The following CACNB4 variants were observed in gnomAD, a reference collection of about 807,000 sequenced individuals.
CACNB4 encodes the protein voltage-dependent L-type calcium channel subunit beta-4.
In CACNB4, 32 loss-of-function variants were observed where a neutral mutation model predicts 71.2. The observed-to-expected ratio is 0.45, with a 90% confidence interval of 0.34 to 0.60. CACNB4 has a LOEUF of 0.60. CACNB4 is among the 20% of genes least tolerant of loss of function. The pLI is 0.01. For missense variants in CACNB4, 464 were observed against 647.9 expected, an observed-to-expected ratio of 0.72 and a Z score of 3.08; for synonymous variants, 231 against 236.9, an observed-to-expected ratio of 0.97 and a Z score of 0.23.
intron 2 of CACNB4, among the ~76,000 whole-genome samples, chr2:152,075,622 C>T (rs1288865651): frequency 7.2e-5 from 11 of 152,198 alleles, no homozygotes; most frequent in Admixed American, 7.2e-4. Flanking sequence ...TTGACTTGGC[C>T]TGAGAGCCTC....
At chr2:151,850,141 C>CTTTTTTTTTTTTTTTTT (rs750436136) in intron 12 of CACNB4, 13 of 98,160 alleles carry the variant, frequency 1.3e-4, no homozygotes, top group Non-Finnish European at 1.5e-4. Flanking sequence ...TTCTTTCTTT[C>CTTTTTTTTTTTTTTTTT]TTTTTTTTTT....
intron 2 of CACNB4, chr2:151,968,268 T>C (rs1451315609): frequency 2.0e-5 from 3 of 152,194 alleles, no homozygotes; most frequent in Non-Finnish European, 2.9e-5. Flanking sequence ...AGGTTACAGC[T>C]GTTGCTGTTT....
chr2:151,979,775 G>A lies in CACNB4; in HGVS notation c.148-96405C>T, dbSNP rs572818036. Among the ~76,000 whole-genome samples the A allele has an allele frequency of 2.6e-5, 4 of 152,338 alleles. No homozygotes were observed. In the South Asian group the frequency reaches 6.2e-4, roughly 24 times the overall value. ...AGCAACACTGAAGATCCTGAAGACA[G>A]AAATTGAACCAAGGAGATGGTTGCA... On this transcript the variant is annotated intron_variant, in intron 2 of 13. Transcript: ENST00000539935.
chr2:152,018,836 C>CACACACAG (rs57206441), intron 2 of CACNB4, among the ~76,000 whole-genome samples: 1 of 141,374 alleles, frequency 7.1e-6, no homozygotes, highest in African/African-American at 2.5e-5. Flanking sequence ...CACACACACA[C>CACACACAG]ACAGACAAAG....
intron 2 of CACNB4, among the ~76,000 whole-genome samples, chr2:152,076,264 C>A (rs1403371705): frequency 1.3e-5 from 2 of 149,456 alleles, no homozygotes; most frequent in African/African-American, 4.9e-5. Flanking sequence ...GCCTCAGCCT[C>A]CCGAGTAGCT....
At chr2:152,088,773 A>G (rs1687813016) in intron 2 of CACNB4, among the ~76,000 whole-genome samples, 1 of 152,232 alleles carries the variant, frequency 6.6e-6, no homozygotes, top group East Asian at 1.9e-4. Context: ...CCTCTGCTCT[A>G]TTTATGTGTA....
intron 12 of CACNB4, among the ~76,000 whole-genome samples, chr2:151,843,367 TG>T (rs1422301078): frequency 6.6e-6 from 1 of 152,236 alleles, no homozygotes; most frequent in Non-Finnish European, 1.5e-5. Context: ...CAGGCCAGGG[TG>T]CACTGGAGCA....
chr2:151,939,878 GA>G (rs1021082799), intron 2 of CACNB4, among the ~76,000 whole-genome samples: 1 of 151,664 alleles, frequency 6.6e-6, no homozygotes, highest in Non-Finnish European at 1.5e-5. Context: ...AACAAATATG[GA>G]AAAAAATGAT....
chr2:152,061,960 G>A (rs920899848), intron 2 of CACNB4, among the ~76,000 whole-genome samples: 11 of 150,882 alleles, frequency 7.3e-5, no homozygotes, highest in East Asian at 5.8e-4. Flanking sequence ...TGCAGTGAGC[G>A]GAGATCGCGC....
At chr2:151,943,809 T>C (rs1250735613) in intron 2 of CACNB4, among the ~76,000 whole-genome samples, 2 of 152,148 alleles carry the variant, frequency 1.3e-5, no homozygotes, top group African/African-American at 2.4e-5. Flanking sequence ...CTTATGCAAA[T>C]ATTCAGAGGC....
chr2:151,962,406 C>T (rs1228970873), intron 2 of CACNB4, among the ~76,000 whole-genome samples: 1 of 152,142 alleles, frequency 6.6e-6, no homozygotes, highest in Non-Finnish European at 1.5e-5. Flanking sequence ...CTCTCTCCAC[C>T]CCCACCCCCA....
At chr2:152,064,079 T>C (rs1292119307) in intron 2 of CACNB4, among the ~76,000 whole-genome samples, 1 of 152,168 alleles carries the variant, frequency 6.6e-6, no homozygotes, top group African/African-American at 2.4e-5. Flanking sequence ...AGTTCTGAAA[T>C]GTTAGGAAGA....
intron 2 of CACNB4, among the ~76,000 whole-genome samples, chr2:151,975,986 G>A (rs1260598902): frequency 1.3e-5 from 2 of 152,218 alleles, no homozygotes; most frequent in East Asian, 3.8e-4. Flanking sequence ...CGGCTCTTCT[G>A]TGGATGGCTG....
intron 2 of CACNB4, among the ~76,000 whole-genome samples, chr2:152,085,586 T>C (rs1687615431): frequency 6.6e-6 from 1 of 151,978 alleles, no homozygotes; most frequent in South Asian, 2.1e-4. Context: ...TCCCGGCTGG[T>C]CTCCACAGCT....
At chr2:151,875,280 G>A (rs1469099488) in intron 5 of CACNB4, among the ~76,000 whole-genome samples, 1 of 148,076 alleles carries the variant, frequency 6.8e-6, no homozygotes, top group Non-Finnish European at 1.5e-5. Flanking sequence ...AGTGGACACA[G>A]CACATGTTTC....
chr2:151,911,816 T>C (rs190587136), intron 2 of CACNB4, among the ~76,000 whole-genome samples: 1 of 152,222 alleles, frequency 6.6e-6, no homozygotes, highest in East Asian at 1.9e-4. Flanking sequence ...TGGGCTTTTT[T>C]TGGTAGGCTA....
chr2:152,019,425 T>G (rs930999892), intron 2 of CACNB4, among the ~76,000 whole-genome samples: 3 of 152,168 alleles, frequency 2.0e-5, no homozygotes, highest in African/African-American at 7.2e-5. Context: ...GAAATTATTC[T>G]CAGATTTTGA....
intron 2 of CACNB4, among the ~76,000 whole-genome samples, chr2:152,030,803 T>C (rs535355267): frequency 1.4e-4 from 21 of 152,346 alleles, no homozygotes; most frequent in African/African-American, 5.1e-4. Context: ...CTGCATAGTA[T>C]TCCATGGTGT....
At chr2:151,946,174 C>A (rs1409251069) in intron 2 of CACNB4, among the ~76,000 whole-genome samples, 11 of 152,024 alleles carry the variant, frequency 7.2e-5, no homozygotes, top group Non-Finnish European at 1.5e-4. Context: ...ACTAAAAATA[C>A]AAAAATTAGC....
Sources: gnomAD v4.1 joint callset for allele counts (sites outside exome capture counted in the v4.1 genomes callset) on GRCh38, gnomAD v4.1.1 for gene constraint, MANE v1.5 for transcripts, NCBI Gene and HGNC (gene_info 2026-07-23, HGNC 2026-07-21) for gene names.